Variants in CRCT1 observed in about 807,000 individuals in gnomAD.
CRCT1 encodes the protein cysteine-rich C-terminal protein 1.
For synonymous variants in CRCT1, 86 were observed against 60.3 expected (o/e 1.43, Z -1.98); for missense variants, 160 against 136.3 (o/e 1.17, Z -0.87).
At position 152,515,769 on chromosome 1, in the gene CRCT1, G is replaced by C; in HGVS notation, c.*86G>C. 1 of 1,415,602 alleles carries C rather than the reference G, an allele frequency of 7.1e-7. No individual in the cohort carries two copies. Among genetic ancestry groups the C allele is most frequent in the Non-Finnish European group, 9.2e-7 (1 of 1,085,500 alleles). The allele number at this position is 1,415,602 out of a possible 1,614,324, so 87.7% of individuals were successfully genotyped here. A position where few individuals can be genotyped will look rare whatever the true frequency, so the allele number is the denominator to read the frequency against. ...CCGCTGCGGCTCCCACGCGGGGCTG[G>C]GCCTCGGAGTTTGCCCCGTAAAGCG... On this transcript the variant is annotated 3_prime_UTR_variant, in exon 2 of 2. Transcript: ENST00000368790.
chr1:152,515,552 T>A lies in CRCT1; in HGVS notation c.169T>A (p.Ser57Thr), dbSNP rs778351583. The change falls in exon 2 of 2, where the codon TCC becomes ACC. Residue 57 changes from serine (S) to threonine (T), a missense_variant. Ser to Thr is a moderately conservative substitution (Grantham distance 58). Coordinates refer to ENST00000368790, the MANE Select transcript of CRCT1 (RefSeq NM_019060.3). Reference sequence around the variant, plus strand: ...CGACTCAGGCTGCTGCGGCTCCAGCTCCACCAGTTGCTGCTGCTTCCCAAG... The same window carrying A: ...CGACTCAGGCTGCTGCGGCTCCAGCACCACCAGTTGCTGCTGCTTCCCAAG... ...CGDSGCCGSS[S>T]TSCCCFPRRR... is the part of the protein sequence containing the mutation. 1 of 1,594,502 alleles carries A rather than the reference T, an allele frequency of 6.3e-7. No homozygotes were observed. The highest frequency in any genetic ancestry group is 1.1e-5 in the South Asian group (1 of 89,930).
In CRCT1 at chr1:152,515,558, A is replaced by G; in HGVS notation, c.175A>G (p.Ser59Gly). ...DSGCCGSSST[S>G]CCCFPRRRRR... ...AGGCTGCTGCGGCTCCAGCTCCACC[A>G]GTTGCTGCTGCTTCCCAAGGAGACG... The change falls in exon 2 of 2, where the codon AGT becomes GGT. Residue 59 changes from serine to glycine, a missense_variant. Physicochemically the swap from Ser to Gly is moderately conservative, Grantham distance 56. Coordinates refer to ENST00000368790, the MANE Select transcript of CRCT1 (RefSeq NM_019060.3). The G allele has an allele frequency of 3.8e-6, 6 of 1,595,016 alleles. No homozygotes were observed. The highest frequency in any genetic ancestry group is 4.2e-6 in the Non-Finnish European group (5 of 1,176,804).
rs758339988 is a variant in CRCT1, at chr1:152,515,469, C to A, written c.86C>A (p.Pro29His). Residue 29 changes from proline (P) to histidine (H), a missense_variant, in exon 2 of 2, where the codon CCC (proline) becomes CAC (histidine). Pro to His is a moderately conservative substitution (Grantham distance 77). Coordinates refer to ENST00000368790, the MANE Select transcript of CRCT1 (RefSeq NM_019060.3). ...QGPAPCPAPA[P>H]TPAPASSSSC... ...CCCGCTCCGTGTCCCGCCCCGGCGC[C>A]CACCCCGGCGCCCGCCTCCTCCTCC... 8.1e-6 allele frequency: 13 copies of A among 1,602,302 alleles called. No homozygotes were observed. The highest frequency in any genetic ancestry group is 1.3e-5 in the African/African-American group (1 of 74,730).
Position 152,515,516 on chromosome 1 carries a change from G to C in CRCT1, c.133G>C (p.Gly45Arg). The C allele has an allele frequency of 6.3e-7, 1 of 1,595,536 alleles. No homozygotes were observed. Among genetic ancestry groups the C allele is most frequent in the South Asian group, 1.1e-5 (1 of 90,122 alleles). The change falls in exon 2 of 2, where the codon GGC becomes CGC. Residue 45 changes from glycine (G) to arginine (R), a missense_variant. Gly to Arg is a moderately radical substitution (Grantham distance 125). Coordinates refer to ENST00000368790, the MANE Select transcript of CRCT1 (RefSeq NM_019060.3). Reference sequence around the variant, plus strand: ...CTCCTCCTGCTGCGGCTCCGGCAGGGGCTGCTGCGGCGACTCAGGCTGCTG... The same window carrying C: ...CTCCTCCTGCTGCGGCTCCGGCAGGCGCTGCTGCGGCGACTCAGGCTGCTG... ...SSSSCCGSGR[G>R]CCGDSGCCGS... is the part of the protein sequence containing the mutation.
Position 152,515,443 on chromosome 1 carries a change from C to T in CRCT1, c.60C>T (p.Gly20=), listed in dbSNP as rs375457716. 5 of 1,601,052 alleles carry T rather than the reference C, an allele frequency of 3.1e-6. No individual in the cohort carries two copies. The highest frequency in any genetic ancestry group is 4.3e-6 in the Non-Finnish European group (5 of 1,176,136). ...GCTTTTCCAAGGGGTCGTCCCAGGG[C>T]CCCGCTCCGTGTCCCGCCCCGGCGC... is the stretch of plus-strand genomic sequence containing the variant. The part of the protein sequence containing the change: ...AKGFSKGSSQ[G]PAPCPAPAPT... Residue 20 remains glycine, a synonymous_variant, in exon 2 of 2, where the codon GGC becomes GGT. Coordinates refer to ENST00000368790, the MANE Select transcript of CRCT1 (RefSeq NM_019060.3).
Position 152,515,404 on chromosome 1 carries a change from C to G in CRCT1, c.21C>G (p.Ala7=). 1.9e-6 allele frequency: 3 copies of G among 1,558,348 alleles called. No individual in the cohort carries two copies. Among genetic ancestry groups the G allele is most frequent in the South Asian group, 1.2e-5 (1 of 82,958 alleles). Reference sequence around the variant, plus strand: ...CCGCGATGTCCTCTCAACAGAGCGCCGTTTCCGCCAAAGGCTTTTCCAAGG... The same window carrying G: ...CCGCGATGTCCTCTCAACAGAGCGCGGTTTCCGCCAAAGGCTTTTCCAAGG... The part of the protein sequence containing the change: MSSQQS[A]VSAKGFSKGS... The change falls in exon 2 of 2, where the codon GCC becomes GCG. Residue 7 remains alanine, a synonymous_variant. Transcript: ENST00000368790.
intron 1 of CRCT1, among the ~76,000 whole-genome samples, chr1:152,515,092 T>C (rs561078581): frequency 6.6e-6 from 1 of 152,322 alleles, no homozygotes; most frequent in South Asian, 2.1e-4. Context: ...TATTTTCCAC[T>C]GTGGAGAACT....
At chr1:152,515,326 AG>A in intron 1 of CRCT1, 35 bp from the exon 2 acceptor site, 1 of 1,470,030 alleles carries the variant, frequency 6.8e-7, no homozygotes, top group African/African-American at 1.4e-5. Flanking sequence ...GGAAAGAAAA[AG>A]CCGGCTCGCC....
rs1658740265 is a variant in CRCT1, at chr1:152,515,818, C to T, written c.*135C>T. 7.3e-7 allele frequency: 1 copy of T among 1,368,616 alleles called. No homozygotes were observed. The highest frequency in any genetic ancestry group is 1.5e-5 in the African/African-American group (1 of 65,610). The allele number at this position is 1,368,616 out of a possible 1,614,324, so 84.8% of individuals were successfully genotyped here. A position where few individuals can be genotyped will look rare whatever the true frequency, so the allele number is the denominator to read the frequency against. On this transcript the variant is annotated 3_prime_UTR_variant, in exon 2 of 2. Transcript: ENST00000368790. Reference sequence around the variant, plus strand: ...CGAATTGCACTTTGATGTTCAGAAACCCACTTTGTTCTCAGCCACGCAAAA... The same window carrying T: ...CGAATTGCACTTTGATGTTCAGAAATCCACTTTGTTCTCAGCCACGCAAAA...
At position 152,515,752 on chromosome 1, in the gene CRCT1, G is replaced by T. The variant is rs1002123755; in HGVS notation, c.*69G>T. On this transcript the variant is annotated 3_prime_UTR_variant, in exon 2 of 2. Coordinates refer to ENST00000368790, the MANE Select transcript of CRCT1 (RefSeq NM_019060.3). The stretch of plus-strand genomic sequence containing the variant: ...CCCAGAGCGGGCCCGCCCCGCTGCG[G>T]CTCCCACGCGGGGCTGGGCCTCGGA... 35 of 1,411,124 alleles carry T rather than the reference G, an allele frequency of 2.5e-5. 1 individual carries two copies. The South Asian group carries it at 4.8e-4, about 19-fold the overall frequency. The allele number at this position is 1,411,124 out of a possible 1,614,324, so 87.4% of individuals were successfully genotyped here.
At chr1:152,514,871 A>G (rs1658703778) in intron 1 of CRCT1, among the ~76,000 whole-genome samples, 1 of 152,184 alleles carries the variant, frequency 6.6e-6, no homozygotes, top group South Asian at 2.1e-4. Flanking sequence ...TAGGCAAGAA[A>G]GAATGATCAG....
rs367734101 is a variant in CRCT1, at chr1:152,515,547, C to T, written c.164C>T (p.Ser55Phe). The T allele has an allele frequency of 1.9e-6, 3 of 1,593,770 alleles. No individual in the cohort carries two copies. Among genetic ancestry groups the T allele is most frequent in the Admixed American group, 1.7e-5 (1 of 59,192 alleles). ...GCCGDSGCCG[S>F]SSTSCCCFPR... Reference sequence around the variant, plus strand: ...TGCGGCGACTCAGGCTGCTGCGGCTCCAGCTCCACCAGTTGCTGCTGCTTC... The same window carrying T: ...TGCGGCGACTCAGGCTGCTGCGGCTTCAGCTCCACCAGTTGCTGCTGCTTC... Residue 55 changes from serine (S) to phenylalanine (F), a missense_variant, in exon 2 of 2, where the codon TCC (serine) becomes TTC (phenylalanine). Ser to Phe is a radical substitution (Grantham distance 155). Transcript: ENST00000368790.
Position 152,515,564 on chromosome 1 carries a change from T to C in CRCT1, c.181T>C (p.Cys61Arg). 6.3e-7 allele frequency: 1 copy of C among 1,596,176 alleles called. No individual in the cohort carries two copies. The highest frequency in any genetic ancestry group is 8.5e-7 in the Non-Finnish European group (1 of 1,176,644). The change falls in exon 2 of 2, where the codon TGC becomes CGC. Residue 61 changes from cysteine to arginine, a missense_variant. Transcript: ENST00000368790. The stretch of plus-strand genomic sequence containing the variant: ...CTGCGGCTCCAGCTCCACCAGTTGC[T>C]GCTGCTTCCCAAGGAGACGCCGCCG... ...GCCGSSSTSC[C>R]CFPRRRRRQR...
Position 152,515,740 on chromosome 1 carries a change from C to T in CRCT1, c.*57C>T, listed in dbSNP as rs1390960816. On this transcript the variant is annotated 3_prime_UTR_variant, in exon 2 of 2. Coordinates refer to ENST00000368790, the MANE Select transcript of CRCT1 (RefSeq NM_019060.3). ...AAACCCGCCCAGCCCAGAGCGGGCCCGCCCCGCTGCGGCTCCCACGCGGGG... is the reference window on the plus strand; with the variant it reads ...AAACCCGCCCAGCCCAGAGCGGGCCTGCCCCGCTGCGGCTCCCACGCGGGG... 2.8e-6 allele frequency: 4 copies of T among 1,413,232 alleles called. No individual in the cohort carries two copies. The African/African-American group carries it at 4.5e-5, about 16-fold the overall frequency. 87.5% of individuals were successfully genotyped at this position (1,413,232 alleles called of 1,614,324 possible).
rs1658738631 is a variant in CRCT1, at chr1:152,515,771, C to T, written c.*88C>T. On this transcript the variant is annotated 3_prime_UTR_variant, in exon 2 of 2. Transcript: ENST00000368790. The stretch of plus-strand genomic sequence containing the variant: ...GCTGCGGCTCCCACGCGGGGCTGGG[C>T]CTCGGAGTTTGCCCCGTAAAGCGAA... 7.1e-7 allele frequency: 1 copy of T among 1,416,892 alleles called. No homozygotes were observed. The highest frequency in any genetic ancestry group is 9.2e-7 in the Non-Finnish European group (1 of 1,086,146). The allele number at this position is 1,416,892 out of a possible 1,614,324, so 87.8% of individuals were successfully genotyped here. A position where few individuals can be genotyped will look rare whatever the true frequency, so the allele number is the denominator to read the frequency against.
rs1449394361 is a variant in CRCT1 at position 152,515,370 on chromosome 1, T to C, written c.-14T>C. 16 of 1,502,736 alleles carry C rather than the reference T, an allele frequency of 1.1e-5. No homozygotes were observed. Among genetic ancestry groups the C allele is most frequent in the Non-Finnish European group, 1.3e-5 (15 of 1,130,732 alleles). 93.1% of individuals were successfully genotyped at this position (1,502,736 alleles called of 1,614,324 possible). On this transcript the variant is annotated 5_prime_UTR_variant, in exon 2 of 2. Transcript: ENST00000368790. ...GGCTGCCTTTCTTCCAGGTTTGTCGTGAGGAGCTCCGCGATGTCCTCTCAA... is the reference window on the plus strand; with the variant it reads ...GGCTGCCTTTCTTCCAGGTTTGTCGCGAGGAGCTCCGCGATGTCCTCTCAA...
Position 152,515,684 on chromosome 1 carries a change from G to A in CRCT1, c.*1G>A. On this transcript the variant is annotated 3_prime_UTR_variant, in exon 2 of 2. Transcript: ENST00000368790. ...CTCAGGATGCTGCTCCGGCTGCTGA[G>A]AGGCCCGCAACCCCCAGCGCTGCGC... 2 of 1,508,682 alleles carry A rather than the reference G, an allele frequency of 1.3e-6. No homozygotes were observed. Among genetic ancestry groups the A allele is most frequent in the South Asian group, 2.6e-5 (2 of 76,976 alleles). The allele number at this position is 1,508,682 out of a possible 1,614,324, so 93.5% of individuals were successfully genotyped here.
Position 152,515,861 on chromosome 1 carries a change from G to A in CRCT1, c.*178G>A. 9.1e-7 allele frequency: 1 copy of A among 1,094,062 alleles called. No homozygotes were observed. Among genetic ancestry groups the A allele is most frequent in the Non-Finnish European group, 1.2e-6 (1 of 802,658 alleles). The allele number at this position is 1,094,062 out of a possible 1,614,324, so 67.8% of individuals were successfully genotyped here. ...ACGCAAAACTCCCTGACCCCGATGT[G>A]ATTTTTCTCCCCGGGGATTCGAGAG... On this transcript the variant is annotated 3_prime_UTR_variant, in exon 2 of 2. Transcript: ENST00000368790.
rs543964953 is a variant in CRCT1, at chr1:152,515,438, C to T, written c.55C>T (p.Gln19Ter). 1.4e-5 allele frequency: 22 copies of T among 1,597,658 alleles called. No homozygotes were observed. The East Asian group carries it at 3.6e-4, about 26-fold the overall frequency. The change falls in exon 2 of 2, where the codon CAG becomes TAG. Residue 19 changes from glutamine (Q) to a stop codon, truncating the protein, a stop_gained. Coordinates refer to ENST00000368790, the MANE Select transcript of CRCT1 (RefSeq NM_019060.3). LOFTEE classifies it low-confidence loss of function (END_TRUNC). The part of the protein sequence containing the change: ...SAKGFSKGSS[Q>*]GPAPCPAPAP... ...CAAAGGCTTTTCCAAGGGGTCGTCC[C>T]AGGGCCCCGCTCCGTGTCCCGCCCC...
Sources: allele counts gnomAD v4.1 joint callset (sites outside exome capture counted in the v4.1 genomes callset), GRCh38; gene constraint gnomAD v4.1.1; transcripts MANE v1.5; gene names NCBI Gene and HGNC (gene_info 2026-07-23, HGNC 2026-07-21).